The following SBNO1 variants were observed in gnomAD, a reference collection of about 807,000 sequenced individuals.
SBNO1 encodes the protein strawberry notch homolog 1.
SBNO1 carries 23 observed loss-of-function variants against 173.6 expected under a neutral mutation model. The ratio of observed to expected loss-of-function variants is 0.13; its 90% CI spans 0.10 to 0.19. SBNO1 has a LOEUF of 0.19. Among genes scored for constraint, SBNO1 ranks in the 10% least tolerant of loss-of-function variants. The probability of loss-of-function intolerance (pLI) is 1.00; values close to 1 mark genes in which losing one functional copy is unlikely to be tolerated. For synonymous variants in SBNO1, 632 were observed against 571.5 expected, an observed-to-expected ratio of 1.11 and a Z score of -1.51; for missense variants, 1,238 against 1,671.2, an observed-to-expected ratio of 0.74 and a Z score of 4.52.
In SBNO1 at chr12:123,295,649, T is replaced by C; in HGVS notation, c.*259A>G. The C allele has an allele frequency of 7.0e-6, 3 of 426,376 alleles. No individual in the cohort carries two copies. The highest frequency in any genetic ancestry group is 1.3e-5 in the Non-Finnish European group (3 of 231,714). The allele number at this position is 426,376 out of a possible 1,614,324, so 26.4% of individuals were successfully genotyped here. On this transcript the variant is annotated 3_prime_UTR_variant, in exon 32 of 32. Coordinates refer to ENST00000602398, the MANE Select transcript of SBNO1 (RefSeq NM_001167856.3). ...AGACTGACACACACGCACACACACA[T>C]CCCCCTCTGCTCACCCGAAGTAAAA...
intron 2 of SBNO1, 120 bp downstream of exon 2, chr12:123,350,190 G>T (rs1873713538): frequency 2.6e-6 from 3 of 1,143,238 alleles, no homozygotes; most frequent in Non-Finnish European, 3.8e-6. Flanking sequence ...GGAGGTTGAG[G>T]CTTCAGTAAG....
intron 15 of SBNO1, among the ~76,000 whole-genome samples, chr12:123,325,133 A>G (rs1331029605): frequency 6.6e-6 from 1 of 152,204 alleles, no homozygotes; most frequent in East Asian, 1.9e-4. Context: ...AGACTTCGTT[A>G]TATTAGGACA....
chr12:123,352,768 G>A (rs1248528641), intron 1 of SBNO1, among the ~76,000 whole-genome samples: 1 of 152,312 alleles, frequency 6.6e-6, no homozygotes, highest in African/African-American at 2.4e-5. Flanking sequence ...GCAGACCACT[G>A]TGTAGAAGAG....
intron 1 of SBNO1, among the ~76,000 whole-genome samples, chr12:123,359,954 T>C (rs1449033264): frequency 1.3e-5 from 2 of 152,170 alleles, no homozygotes; most frequent in Admixed American, 6.6e-5. Context: ...TTAAAAATTA[T>C]CTTTGGCCAG....
chr12:123,336,531 G>T, intron 5 of SBNO1, 40 bp from the exon 6 acceptor site: 1 of 1,324,332 alleles, frequency 7.6e-7, no homozygotes, highest in South Asian at 1.3e-5. Flanking sequence ...CAAATCCAGG[G>T]ACCAGACGCC....
intron 1 of SBNO1, among the ~76,000 whole-genome samples, chr12:123,358,768 GAA>G (rs1874771191): frequency 3.0e-5 from 1 of 33,460 alleles, no homozygotes. Context: ...AAAAAAAAAA[GAA>G]GAAGAAAAAT....
At position 123,326,193 on chromosome 12, in the gene SBNO1, T is replaced by C; in HGVS notation, c.1834A>G (p.Arg612Gly). ...TCCTCTCGAGCTAGTTGCACAACCCTTTTAACTTTGGATGCTATGCATAAG... is the reference window on the plus strand; with the variant it reads ...TCCTCTCGAGCTAGTTGCACAACCCCTTTAACTTTGGATGCTATGCATAAG... Reference protein sequence around the residue: ...KYLCIASKVKRVVQLAREEIK... With the variant: ...KYLCIASKVKGVVQLAREEIK... Residue 612 changes from arginine (R) to glycine (G), a missense_variant, in exon 14 of 32, where the codon AGG becomes GGG. Transcript: ENST00000602398. The C allele has an allele frequency of 1.2e-6, 2 of 1,611,820 alleles. No homozygotes were observed.
chr12:123,357,428 G>A (rs1178255142), intron 1 of SBNO1, among the ~76,000 whole-genome samples: 7 of 151,392 alleles, frequency 4.6e-5, no homozygotes, highest in South Asian at 4.2e-4. Context: ...CAGCCTGGGC[G>A]ACAGAGTGGG....
At chr12:123,317,151 T>C (rs1869385894) in intron 21 of SBNO1, 70 bp downstream of exon 21, 3 of 1,535,758 alleles carry the variant, frequency 2.0e-6, no homozygotes, top group African/African-American at 1.4e-5. Flanking sequence ...ACCTAGGTTT[T>C]GGTATGCGCA....
intron 1 of SBNO1, among the ~76,000 whole-genome samples, chr12:123,360,516 C>G (rs2139108631): frequency 6.6e-6 from 1 of 152,088 alleles, no homozygotes. Flanking sequence ...GCAATCTCGG[C>G]TCACTGCAAC....
intron 29 of SBNO1, 149 bp downstream of exon 29, chr12:123,304,433 T>C (rs1299533509): frequency 1.8e-6 from 1 of 567,972 alleles, no homozygotes; most frequent in East Asian, 3.5e-5. Context: ...ACGGGGTTTC[T>C]CCATGTTGGT....
At chr12:123,301,619 G>C (rs1183611927) in intron 30 of SBNO1, among the ~76,000 whole-genome samples, 1 of 152,194 alleles carries the variant, frequency 6.6e-6, no homozygotes, top group Admixed American at 6.5e-5. Flanking sequence ...GTAAGCCAAG[G>C]GGTGAGGGGG....
chr12:123,321,006 C>A, intron 17 of SBNO1, 140 bp from the exon 18 acceptor site: 1 of 629,922 alleles, frequency 1.6e-6, no homozygotes, highest in Non-Finnish European at 2.6e-6. Context: ...ATGGCGCAAT[C>A]TCAGCTTACT....
chr12:123,327,507 G>A lies in SBNO1; in HGVS notation c.1611C>T (p.Ser537=). ...LRGMYIARQL[S]FTGVTFKIEE... is the part of the protein sequence containing the mutation. Reference sequence around the variant, plus strand: ...CAATTTTGAAGGTCACTCCAGTAAAGCTCAGTTGTCGAGCAATGTACATTC... The same window carrying A: ...CAATTTTGAAGGTCACTCCAGTAAAACTCAGTTGTCGAGCAATGTACATTC... The change falls in exon 13 of 32, where the codon AGC becomes AGT. Residue 537 remains serine (S), a synonymous_variant. Transcript: ENST00000602398. 1 of 1,613,734 alleles carries A rather than the reference G, an allele frequency of 6.2e-7. No homozygotes were observed. Among genetic ancestry groups the A allele is most frequent in the African/African-American group, 1.3e-5 (1 of 75,040 alleles).
In SBNO1 at chr12:123,328,715, T is replaced by A. The variant is rs964625161; in HGVS notation, c.1296+19A>T. 3.5e-6 allele frequency: 5 copies of A among 1,446,910 alleles called. No individual in the cohort carries two copies. The highest frequency in any genetic ancestry group is 4.6e-6 in the Non-Finnish European group (5 of 1,088,690). The allele number at this position is 1,446,910 out of a possible 1,614,324, so 89.6% of individuals were successfully genotyped here. A position where few individuals can be genotyped will look rare whatever the true frequency, so the allele number is the denominator to read the frequency against. On this transcript the variant is annotated intron_variant, in intron 10 of 31. Transcript: ENST00000602398. ...TTCTTGTCGTTAAAAAATAGAAAAA[T>A]ATTTGCCATAAAGGATACCACTCCA...
At chr12:123,321,288 C>T (rs1267616284) in intron 17 of SBNO1, among the ~76,000 whole-genome samples, 1 of 152,136 alleles carries the variant, frequency 6.6e-6, no homozygotes, top group Non-Finnish European at 1.5e-5. Context: ...TACATTGGTT[C>T]ATCCATACAC....
At position 123,309,811 on chromosome 12, in the gene SBNO1, T is replaced by C. The variant is rs2049009348; in HGVS notation, c.3341A>G (p.Glu1114Gly). The C allele has an allele frequency of 6.2e-7, 1 of 1,610,002 alleles. No individual in the cohort carries two copies. Residue 1114 changes from glutamate to glycine, a missense_variant, in exon 26 of 32, where the codon GAG becomes GGG. By Grantham distance (98) the Glu-to-Gly change is moderately conservative. Transcript: ENST00000602398. ...GKFLNRILGM[E>G]VHQQNALFQY... Reference sequence around the variant, plus strand: ...AAATAACGCATTCTGCTGATGCACCTCCATGCCTAAAATTCTATTTAAGAA... The same window carrying C: ...AAATAACGCATTCTGCTGATGCACCCCCATGCCTAAAATTCTATTTAAGAA...
rs1035304714 is a variant in SBNO1 at position 123,294,816 on chromosome 12, T to C, written c.*1092A>G. 2 of 152,894 alleles carry C rather than the reference T, an allele frequency of 1.3e-5. No homozygotes were observed. Among genetic ancestry groups the C allele is most frequent in the Admixed American group, 6.5e-5 (1 of 15,292 alleles). The allele number at this position is 152,894 out of a possible 1,614,324, so 9.5% of individuals were successfully genotyped here. A position where few individuals can be genotyped will look rare whatever the true frequency, so the allele number is the denominator to read the frequency against. On this transcript the variant is annotated 3_prime_UTR_variant, in exon 32 of 32. Coordinates refer to ENST00000602398, the MANE Select transcript of SBNO1 (RefSeq NM_001167856.3). ...TTTGTACATTACCATTTTTAACAGC[T>C]TGAGATAAACTCTACGTCTTACAAC...
rs1435880128 is a variant in SBNO1 at position 123,302,546 on chromosome 12, G to GA, written c.3845+277dup. On this transcript the variant is annotated intron_variant, in intron 30 of 31. Transcript: ENST00000602398. The stretch of plus-strand genomic sequence containing the variant: ...GGCGTGAGCCACCACACCCAGCCGT[G>GA]AAAAAGCAAGTTCTAATATGAAGGA... Among the ~76,000 whole-genome samples, 5 of 152,004 alleles carry GA rather than the reference G, an allele frequency of 3.3e-5. No homozygotes were observed. The East Asian group carries it at 7.7e-4, about 23-fold the overall frequency.
Sources: gnomAD v4.1 joint callset for allele counts (sites outside exome capture counted in the v4.1 genomes callset) on GRCh38, gnomAD v4.1.1 for gene constraint, MANE v1.5 for transcripts, NCBI Gene and HGNC (gene_info 2026-07-23, HGNC 2026-07-21) for gene names.